The following CREBZF variants were observed in gnomAD, a reference collection of about 807,000 sequenced individuals.
The protein encoded by CREBZF is CREB/ATF bZIP transcription factor.
CREBZF carries 8 observed loss-of-function variants against 21.1 expected under a neutral mutation model. The observed-to-expected ratio is 0.38, with a 90% CI of 0.22 to 0.68. The LOEUF is 0.68. Among genes scored for constraint, CREBZF ranks in the 30% least tolerant of loss-of-function variants. The probability of loss-of-function intolerance (pLI) is 0.51; values close to 1 mark genes in which losing one functional copy is unlikely to be tolerated. For missense variants in CREBZF, 518 were observed against 484.3 expected (o/e 1.07, Z -0.65); for synonymous variants, 270 against 223.3 (o/e 1.21, Z -1.86).
At chr11:85,681,322 CT>C (rs1046922737) in intron 1 of CREBZF, among the ~76,000 whole-genome samples, 3 of 152,166 alleles carry the variant, frequency 2.0e-5, no homozygotes, top group Non-Finnish European at 4.4e-5. Flanking sequence ...GCAGGTACTC[CT>C]TCAAACAACT....
In CREBZF at chr11:85,664,348, G is replaced by C; in HGVS notation, c.528C>G (p.Ser176Arg). The change falls in exon 1 of 1, where the codon AGC becomes AGG. Residue 176 changes from serine to arginine, a missense_variant. Physicochemically the swap from Ser to Arg is moderately radical, Grantham distance 110. Coordinates refer to ENST00000527447, the MANE Select transcript of CREBZF (RefSeq NM_001039618.4). This position sits in a 1 kb window ranked among gnomAD's most constrained non-coding sequence, Gnocchi z 5.5. ...LLNGIGGCSS[S>R]SDSGSAEKRR... is the part of the protein sequence containing the mutation. ...TCTTTTCGGCGCTGCCACTGTCACT[G>C]CTGCTGCTGCAGCCTCCGATACCGT... The C allele has an allele frequency of 6.2e-7, 1 of 1,612,634 alleles. No individual in the cohort carries two copies. The highest frequency in any genetic ancestry group is 8.5e-7 in the Non-Finnish European group (1 of 1,179,648).
chr11:85,673,975 C>T (rs1168086829), intron 1 of CREBZF, among the ~76,000 whole-genome samples: 1 of 152,226 alleles, frequency 6.6e-6, no homozygotes, highest in Non-Finnish European at 1.5e-5. Flanking sequence ...CATCTTCCAG[C>T]TCCAACTTTA....
intron 1 of CREBZF, among the ~76,000 whole-genome samples, chr11:85,670,740 G>A (rs2082906476): frequency 6.6e-6 from 1 of 152,162 alleles, no homozygotes; most frequent in Admixed American, 6.5e-5. Context: ...TAGAAGAAGA[G>A]GTTGTCAGCT....
At chr11:85,682,312 A>G (rs2082981329) in intron 1 of CREBZF, among the ~76,000 whole-genome samples, 3 of 152,284 alleles carry the variant, frequency 2.0e-5, no homozygotes, top group African/African-American at 7.2e-5. Flanking sequence ...TGATAGGTGC[A>G]CATTTCTCTT....
In CREBZF at chr11:85,661,809, C is replaced by G. The variant is rs2082689501; in HGVS notation, c.*2002G>C. The G allele has an allele frequency of 6.6e-6, 1 of 152,226 alleles. No homozygotes were observed. The highest frequency in any genetic ancestry group is 1.9e-4 in the East Asian group (1 of 5,188). 9.4% of individuals were successfully genotyped at this position (152,226 alleles called of 1,614,324 possible). On this transcript the variant is annotated 3_prime_UTR_variant, in exon 1 of 1. Coordinates refer to ENST00000527447, the MANE Select transcript of CREBZF (RefSeq NM_001039618.4). The stretch of plus-strand genomic sequence containing the variant: ...CCATATTTTTGTCATTGGTACTGCA[C>G]AAAATTATATACAAAGAAATATATA...
At chr11:85,680,536 T>A (rs2082970169) in intron 1 of CREBZF, among the ~76,000 whole-genome samples, 1 of 152,146 alleles carries the variant, frequency 6.6e-6, no homozygotes, top group African/African-American at 2.4e-5. Context: ...CCGTAGTCAG[T>A]TGAATGTGTA....
At chr11:85,676,637 T>A (rs2082944235) in intron 1 of CREBZF, among the ~76,000 whole-genome samples, 1 of 151,752 alleles carries the variant, frequency 6.6e-6, no homozygotes, top group Admixed American at 6.6e-5. Context: ...TAATGTCACT[T>A]TTTTTTTCTT....
At chr11:85,682,794 C>T in exon 1 of CREBZF, 1 of 701,796 alleles carries the variant, frequency 1.4e-6, no homozygotes, top group Non-Finnish European at 2.6e-6. Flanking sequence ...GGGCGCAAAA[C>T]TTAGGCCCCA....
chr11:85,663,742 A>C lies in CREBZF; in HGVS notation c.*69T>G. On this transcript the variant is annotated 3_prime_UTR_variant, in exon 1 of 1. Coordinates refer to ENST00000527447, the MANE Select transcript of CREBZF (RefSeq NM_001039618.4). ...ATGTGTCCGGTGAAGATGTCCCACT[A>C]AGGTAAGTTTGACATGGTGTAAGGG... 4 of 1,588,812 alleles carry C rather than the reference A, an allele frequency of 2.5e-6. No homozygotes were observed. The highest frequency in any genetic ancestry group is 3.4e-6 in the Non-Finnish European group (4 of 1,168,206).
chr11:85,672,335 T>TA (rs1368274182), intron 1 of CREBZF, among the ~76,000 whole-genome samples: 1 of 152,246 alleles, frequency 6.6e-6, no homozygotes, highest in Non-Finnish European at 1.5e-5. Context: ...CGAAGGTCTC[T>TA]AAAATGCCCT....
rs1388053402 is a variant in CREBZF at position 85,659,759 on chromosome 11, A to G, written c.*4052T>C. ...TAAACTGAAAAAATATTTCAATTAAAACAACCATATGCCACAAAAAGCCAC... is the reference window on the plus strand; with the variant it reads ...TAAACTGAAAAAATATTTCAATTAAGACAACCATATGCCACAAAAAGCCAC... On this transcript the variant is annotated 3_prime_UTR_variant, in exon 1 of 1. Transcript: ENST00000527447. 1 of 138,494 alleles carries G rather than the reference A, an allele frequency of 7.2e-6. No individual in the cohort carries two copies. Among genetic ancestry groups the G allele is most frequent in the East Asian group, 1.9e-4 (1 of 5,202 alleles). The allele number at this position is 138,494 out of a possible 1,614,324, so 8.6% of individuals were successfully genotyped here. A position where few individuals can be genotyped will look rare whatever the true frequency, so the allele number is the denominator to read the frequency against.
rs2082761398 is a variant in CREBZF at position 85,663,840 on chromosome 11, G to A, written c.1036C>T (p.Arg346Trp). 3 of 1,604,112 alleles carry A rather than the reference G, an allele frequency of 1.9e-6. No individual in the cohort carries two copies. Among genetic ancestry groups the A allele is most frequent in the Admixed American group, 3.4e-5 (2 of 59,230 alleles). Residue 346 changes from arginine (R) to tryptophan (W), a missense_variant, in exon 1 of 1, where the codon CGG (arginine) becomes TGG (tryptophan). Arg to Trp is a moderately radical substitution (Grantham distance 101). Coordinates refer to ENST00000527447, the MANE Select transcript of CREBZF (RefSeq NM_001039618.4). ...ATTTTAAGAGAAGACGACGCCTTCC[G>A]GGCGCACGCCGAGCAGAACTCCACC... ...VSVEFCSACA[R>W]KASSSLKM
rs1215355954 is a variant in CREBZF at position 85,677,092 on chromosome 11, TAGCTGGGATTATAGGCGCC to T, written n.147+5606_147+5624del. 2.0e-5 allele frequency among the ~76,000 whole-genome samples: 3 copies of T among 151,538 alleles called. No individual in the cohort carries two copies. In the East Asian group the frequency reaches 5.8e-4, roughly 30 times the overall value. On this transcript the variant is annotated intron_variant and non_coding_transcript_variant, in intron 1 of 3. Transcript: ENST00000531515. ...AATTCTCCTGCCTCAGCCTCCTGAT[TAGCTGGGATTATAGGCGCC>T]AGCCACCACAACTGGCTAATTTTTT... is the stretch of plus-strand genomic sequence containing the variant.
upstream of CREBZF, among the ~76,000 whole-genome samples, chr11:85,667,967 A>T (rs1006914034): frequency 4.9e-4 from 37 of 75,912 alleles, no homozygotes; most frequent in Admixed American, 5.3e-3. Flanking sequence ...AAGACTATGT[A>T]AAAAAAAAAA....
rs1045706165 is a variant in CREBZF at position 85,662,932 on chromosome 11, T to C, written c.*879A>G. On this transcript the variant is annotated 3_prime_UTR_variant, in exon 1 of 1. Transcript: ENST00000527447. ...AACTAAAACGCAGGAGTCTCATATG[T>C]ATGTTAATTTCCAACTTCTCTAATG... 7 of 157,112 alleles carry C rather than the reference T, an allele frequency of 4.5e-5. No homozygotes were observed. The highest frequency in any genetic ancestry group is 1.7e-4 in the African/African-American group (7 of 41,516). 9.7% of individuals were successfully genotyped at this position (157,112 alleles called of 1,614,324 possible). A position where few individuals can be genotyped will look rare whatever the true frequency, so the allele number is the denominator to read the frequency against.
In CREBZF at chr11:85,663,302, G is replaced by C; in HGVS notation, c.*509C>G. On this transcript the variant is annotated 3_prime_UTR_variant, in exon 1 of 1. Transcript: ENST00000527447. Reference sequence around the variant, plus strand: ...GCTAGGTACACGCAAGTCTGAATAAGGGGACACATTAATAGCTATTTCAAC... The same window carrying C: ...GCTAGGTACACGCAAGTCTGAATAACGGGACACATTAATAGCTATTTCAAC... The C allele has an allele frequency of 5.1e-6, 3 of 585,274 alleles. No individual in the cohort carries two copies. The highest frequency in any genetic ancestry group is 4.1e-5 in the South Asian group (2 of 48,488). The allele number at this position is 585,274 out of a possible 1,614,324, so 36.3% of individuals were successfully genotyped here. A position where few individuals can be genotyped will look rare whatever the true frequency, so the allele number is the denominator to read the frequency against.
upstream of CREBZF, among the ~76,000 whole-genome samples, chr11:85,666,507 T>C (rs2082865052): frequency 1.3e-5 from 2 of 152,228 alleles, no homozygotes; most frequent in South Asian, 2.1e-4. Context: ...CCTTTGTTCA[T>C]GAGTAAAATA....
intron 1 of CREBZF, among the ~76,000 whole-genome samples, chr11:85,671,558 A>G (rs1353549089): frequency 3.3e-5 from 5 of 152,260 alleles, no homozygotes; most frequent in Non-Finnish European, 5.9e-5. Flanking sequence ...CTTCCTAGAT[A>G]CAATGAGGGT....
chr11:85,661,472 T>C lies in CREBZF; in HGVS notation c.*2339A>G, dbSNP rs1382507199. On this transcript the variant is annotated 3_prime_UTR_variant, in exon 1 of 1. Coordinates refer to ENST00000527447, the MANE Select transcript of CREBZF (RefSeq NM_001039618.4). ...ATTCCAAAAACTGCCATTTATAAAA[T>C]GACATTCTAAAAATCTACACTTGGA... 1 of 152,310 alleles carries C rather than the reference T, an allele frequency of 6.6e-6. No individual in the cohort carries two copies. The highest frequency in any genetic ancestry group is 1.5e-5 in the Non-Finnish European group (1 of 67,930). 9.4% of individuals were successfully genotyped at this position (152,310 alleles called of 1,614,324 possible).
Sources: allele counts gnomAD v4.1 joint callset (sites outside exome capture counted in the v4.1 genomes callset), GRCh38; gene constraint gnomAD v4.1.1; non-coding constraint Gnocchi (gnomAD v3.1); transcripts MANE v1.5; gene names NCBI Gene and HGNC (gene_info 2026-07-23, HGNC 2026-07-21).